The following CHST9 variants were observed in gnomAD, a reference collection of about 807,000 sequenced individuals.
The protein encoded by CHST9 is GalNAc-4-sulfotransferase 2.
In CHST9, 41 loss-of-function variants were observed where a neutral mutation model predicts 44.4. That is an observed-to-expected ratio of 0.92 (90% CI 0.72 to 1.20). CHST9 has a LOEUF of 1.20. Among genes scored for constraint, CHST9 ranks in the 50% most tolerant of loss-of-function variants. CHST9 has a pLI of 0.00. For missense variants in CHST9, 504 were observed against 516.5 expected (o/e 0.98, Z 0.23); for synonymous variants, 171 against 178.4 (o/e 0.96, Z 0.33).
intron 2 of CHST9, among the ~76,000 whole-genome samples, chr18:27,127,939 G>A (rs978168786): frequency 6.6e-6 from 1 of 152,166 alleles, no homozygotes; most frequent in Non-Finnish European, 1.5e-5. Flanking sequence ...CAGAGGAGAG[G>A]TGATCTGCAG....
intron 4 of CHST9, among the ~76,000 whole-genome samples, chr18:26,950,158 G>C (rs1031560643): frequency 9.8e-5 from 15 of 152,316 alleles, no homozygotes; most frequent in African/African-American, 3.4e-4. Flanking sequence ...CTCAAGGTAC[G>C]GGGAGGAAAG....
In CHST9 at chr18:26,932,993, G is replaced by C. The variant is rs1014470550; in HGVS notation, c.240+11336C>G. 2.6e-5 allele frequency: 4 copies of C among 153,848 alleles called. 1 individual carries two copies. Among genetic ancestry groups the C allele is most frequent in the Admixed American group, 6.5e-5 (1 of 15,298 alleles). 9.5% of individuals were successfully genotyped at this position (153,848 alleles called of 1,614,324 possible). A position where few individuals can be genotyped will look rare whatever the true frequency, so the allele number is the denominator to read the frequency against. ...ATCTGGTTCCCCTACCTTTATCCAG[G>C]CACTTTTCTCTTCAGCGTCTTCTTC... On this transcript the variant is annotated intron_variant, in intron 5 of 5. Transcript: ENST00000618847.
chr18:27,008,326 C>T (rs2057042348), intron 4 of CHST9, among the ~76,000 whole-genome samples: 1 of 152,138 alleles, frequency 6.6e-6, no homozygotes, highest in Non-Finnish European at 1.5e-5. Flanking sequence ...ATGGTTACTT[C>T]AGAGAACTGA....
intron 4 of CHST9, among the ~76,000 whole-genome samples, chr18:27,003,062 T>C (rs531004756): frequency 6.6e-6 from 1 of 152,326 alleles, no homozygotes; most frequent in Non-Finnish European, 1.5e-5. Context: ...AACAGTATCC[T>C]GAAAATAATT....
At chr18:27,132,430 T>C (rs1235674328) in intron 2 of CHST9, among the ~76,000 whole-genome samples, 1 of 152,220 alleles carries the variant, frequency 6.6e-6, no homozygotes, top group Non-Finnish European at 1.5e-5. Flanking sequence ...CCAAGCAATT[T>C]AACTTCTGAA....
intron 2 of CHST9, among the ~76,000 whole-genome samples, chr18:27,139,784 G>GT (rs2058549612): frequency 6.6e-6 from 1 of 152,066 alleles, no homozygotes. Flanking sequence ...AGAATAAATG[G>GT]TAAGTGTTTT....
chr18:27,106,275 C>A lies in CHST9; in HGVS notation c.121+36414G>T, dbSNP rs192318729. On this transcript the variant is annotated intron_variant, in intron 2 of 5. Coordinates refer to ENST00000618847, the MANE Select transcript of CHST9 (RefSeq NM_031422.6). ...AAAGACAGTCCCATGCTGTGTGGGA[C>A]TAATTCTAAGAGTAAAATTAGTTGA... Among the ~76,000 whole-genome samples the A allele has an allele frequency of 3.3e-5, 5 of 152,218 alleles. No homozygotes were observed. The East Asian group carries it at 9.7e-4, about 29-fold the overall frequency.
chr18:27,072,307 G>A (rs2057849389), intron 2 of CHST9, among the ~76,000 whole-genome samples: 1 of 152,080 alleles, frequency 6.6e-6, no homozygotes, highest in Non-Finnish European at 1.5e-5. Flanking sequence ...CTTTCCTTCT[G>A]GCATAATTGT....
chr18:27,067,833 C>T (rs2057798549), intron 2 of CHST9, among the ~76,000 whole-genome samples: 1 of 152,072 alleles, frequency 6.6e-6, no homozygotes, highest in African/African-American at 2.4e-5. Context: ...CACACTAGGG[C>T]GTGGTCTGGA....
At chr18:27,061,846 T>G (rs1410010598) in intron 2 of CHST9, among the ~76,000 whole-genome samples, 1 of 152,154 alleles carries the variant, frequency 6.6e-6, no homozygotes, top group Non-Finnish European at 1.5e-5. Context: ...AAACTCCTTA[T>G]CTGAGGAATT....
intron 1 of CHST9, among the ~76,000 whole-genome samples, chr18:27,145,348 C>T (rs987565586): frequency 6.6e-6 from 1 of 152,106 alleles, no homozygotes; most frequent in African/African-American, 2.4e-5. Flanking sequence ...CCACACCCGA[C>T]TAATTTTTGT....
intron 2 of CHST9, among the ~76,000 whole-genome samples, chr18:27,080,418 C>G (rs541583572): frequency 2.0e-5 from 3 of 151,688 alleles, no homozygotes; most frequent in Non-Finnish European, 4.4e-5. Flanking sequence ...CAAGCAGAGA[C>G]GGTAATTTCG....
intron 2 of CHST9, among the ~76,000 whole-genome samples, chr18:27,122,582 A>G (rs987534151): frequency 2.0e-5 from 3 of 152,186 alleles, no homozygotes; most frequent in Non-Finnish European, 2.9e-5. Context: ...CTCCCCCTCC[A>G]TCCCATGTAA....
intron 2 of CHST9, among the ~76,000 whole-genome samples, chr18:27,053,844 G>T (rs569717661): frequency 2.6e-5 from 4 of 152,212 alleles, no homozygotes; most frequent in African/African-American, 7.2e-5. Flanking sequence ...ACCCTATTCA[G>T]CTTTTAGAGC....
chr18:26,981,205 G>A (rs1255726904), intron 4 of CHST9, among the ~76,000 whole-genome samples: 1 of 152,136 alleles, frequency 6.6e-6, no homozygotes. Context: ...AAAGATATTG[G>A]TAAGAAAGAG....
intron 4 of CHST9, among the ~76,000 whole-genome samples, chr18:26,998,617 T>C (rs772684191): frequency 6.6e-6 from 1 of 151,580 alleles, no homozygotes; most frequent in African/African-American, 2.4e-5. Context: ...TCCCAGCTAC[T>C]TGGGAGGCTG....
rs560117073 is a variant in CHST9, at chr18:26,964,429, A to G, written c.203-20063T>C. On this transcript the variant is annotated intron_variant, in intron 4 of 5. Transcript: ENST00000618847. ...CAAATTCCTATTTCCCATTTAGTGC[A>G]TGTTACTTATATCTGCTGCTTTATT... Among the ~76,000 whole-genome samples the G allele has an allele frequency of 3.3e-5, 5 of 152,338 alleles. No individual in the cohort carries two copies. In the South Asian group the frequency reaches 8.3e-4, roughly 25 times the overall value.
intron 2 of CHST9, among the ~76,000 whole-genome samples, chr18:27,116,821 T>C (rs1284769819): frequency 6.6e-6 from 1 of 152,196 alleles, no homozygotes; most frequent in East Asian, 1.9e-4. Flanking sequence ...TTTTGTTAAA[T>C]GTATCCTTAA....
At chr18:27,092,768 T>G (rs1055659359) in intron 2 of CHST9, among the ~76,000 whole-genome samples, 1 of 152,220 alleles carries the variant, frequency 6.6e-6, no homozygotes, top group African/African-American at 2.4e-5. Context: ...GAGTGAGTCC[T>G]GGATCCTGCG....
Sources: allele counts gnomAD v4.1 joint callset (sites outside exome capture counted in the v4.1 genomes callset), GRCh38; gene constraint gnomAD v4.1.1; transcripts MANE v1.5; gene names NCBI Gene and HGNC (gene_info 2026-07-23, HGNC 2026-07-21).